Variants in PPP1R9A observed in about 807,000 individuals in gnomAD.
PPP1R9A encodes protein phosphatase 1 regulatory subunit 9A, also known as neurabin-1.
A neutral mutation model predicts 141.9 loss-of-function variants in PPP1R9A; 59 were observed. The observed-to-expected ratio is 0.42, with a 90% confidence interval of 0.34 to 0.52. The LOEUF is 0.52. PPP1R9A is among the 20% of genes least tolerant of loss of function. The pLI is 0.10. For missense variants in PPP1R9A, 1,444 were observed against 1,611.9 expected, an observed-to-expected ratio of 0.90 and a Z score of 1.78; for synonymous variants, 500 against 569.7, an observed-to-expected ratio of 0.88 and a Z score of 1.74.
chr7:95,163,372 T>C (rs74730084), intron 5 of PPP1R9A, among the ~76,000 whole-genome samples: 1 of 152,208 alleles, frequency 6.6e-6, no homozygotes, highest in Non-Finnish European at 1.5e-5. Context: ...ATTACTCTCA[T>C]GGAAGGACAT....
At chr7:94,991,659 T>C (rs935648411) in intron 2 of PPP1R9A, among the ~76,000 whole-genome samples, 1 of 152,158 alleles carries the variant, frequency 6.6e-6, no homozygotes, top group Non-Finnish European at 1.5e-5. Context: ...TTTTTAGTTT[T>C]TAAATTTTTG....
chr7:95,121,980 A>G (rs1254703946), intron 4 of PPP1R9A, among the ~76,000 whole-genome samples: 1 of 152,158 alleles, frequency 6.6e-6, no homozygotes, highest in Non-Finnish European at 1.5e-5. Flanking sequence ...AGTAGACCCA[A>G]ATATACGACT....
chr7:95,048,072 C>T (rs1053761721), intron 2 of PPP1R9A, among the ~76,000 whole-genome samples: 14 of 152,114 alleles, frequency 9.2e-5, no homozygotes, highest in African/African-American at 3.4e-4. Flanking sequence ...TTTTTAATTA[C>T]TCATCTAATT....
chr7:95,177,789 A>G (rs192487573), intron 5 of PPP1R9A, among the ~76,000 whole-genome samples: 1 of 152,314 alleles, frequency 6.6e-6, no homozygotes, highest in East Asian at 1.9e-4. Context: ...GGGACATTAT[A>G]TAATGGTAAA....
intron 12 of PPP1R9A, among the ~76,000 whole-genome samples, chr7:95,265,040 A>C (rs976152289): frequency 1.4e-4 from 22 of 152,308 alleles, no homozygotes; most frequent in African/African-American, 5.1e-4. Flanking sequence ...TTCCCCTGCC[A>C]CACTGCCATC....
Position 95,210,713 on chromosome 7 carries a change from C to T in PPP1R9A, c.1956+6983C>T, listed in dbSNP as rs919631800. ...ACATGCACACGTATGTTTATTGCAGCACTATTCACAATAGCAAAGACTTGG... is the reference window on the plus strand; with the variant it reads ...ACATGCACACGTATGTTTATTGCAGTACTATTCACAATAGCAAAGACTTGG... On this transcript the variant is annotated intron_variant, in intron 7 of 19. Transcript: ENST00000433360. 2.6e-5 allele frequency among the ~76,000 whole-genome samples: 4 copies of T among 152,158 alleles called. No individual in the cohort carries two copies. The East Asian group carries it at 7.7e-4, about 29-fold the overall frequency.
At chr7:95,288,774 C>G in intron 19 of PPP1R9A, 56 bp downstream of exon 19, 1 of 1,568,606 alleles carries the variant, frequency 6.4e-7, no homozygotes, top group Non-Finnish European at 8.7e-7. Context: ...TTACTCATAT[C>G]ACCTAAAATG....
At chr7:95,191,670 AT>A (rs1487637834) in intron 5 of PPP1R9A, among the ~76,000 whole-genome samples, 1 of 152,124 alleles carries the variant, frequency 6.6e-6, no homozygotes, top group East Asian at 1.9e-4. Flanking sequence ...GTATTGTATT[AT>A]TTGGCGATGA....
intron 2 of PPP1R9A, among the ~76,000 whole-genome samples, chr7:95,068,473 G>GAAAAAAA (rs36043693): frequency 1.1e-5 from 1 of 94,218 alleles, no homozygotes; most frequent in Admixed American, 1.5e-4. Flanking sequence ...CTTGTCTCAA[G>GAAAAAAA]AAAAAAAAAA....
chr7:94,974,161 A>G (rs1294051960), intron 2 of PPP1R9A, among the ~76,000 whole-genome samples: 1 of 152,144 alleles, frequency 6.6e-6, no homozygotes, highest in Non-Finnish European at 1.5e-5. Flanking sequence ...GATGAATCTG[A>G]GATAGAGGTT....
At chr7:95,260,199 G>T (rs1475816377) in intron 12 of PPP1R9A, among the ~76,000 whole-genome samples, 1 of 152,130 alleles carries the variant, frequency 6.6e-6, no homozygotes, top group Non-Finnish European at 1.5e-5. Context: ...GTCTAGTTTT[G>T]TGCAAGTTTT....
At chr7:95,022,377 G>A (rs1353966859) in intron 2 of PPP1R9A, among the ~76,000 whole-genome samples, 1 of 152,212 alleles carries the variant, frequency 6.6e-6, no homozygotes, top group Non-Finnish European at 1.5e-5. Flanking sequence ...TTGGGGCTGA[G>A]ATGATGGAGT....
intron 2 of PPP1R9A, among the ~76,000 whole-genome samples, chr7:94,957,737 G>C (rs1376525090): frequency 1.3e-5 from 2 of 152,046 alleles, no homozygotes; most frequent in Non-Finnish European, 2.9e-5. Flanking sequence ...AAAAATTGGT[G>C]CCTGAGATAT....
intron 4 of PPP1R9A, among the ~76,000 whole-genome samples, chr7:95,160,717 G>A (rs572806801): frequency 6.6e-5 from 10 of 151,858 alleles, no homozygotes; most frequent in African/African-American, 1.2e-4. Context: ...TATTGTTGCC[G>A]CCTTTATGTC....
intron 2 of PPP1R9A, among the ~76,000 whole-genome samples, chr7:95,019,878 T>C (rs1206883199): frequency 6.6e-6 from 1 of 152,146 alleles, no homozygotes; most frequent in East Asian, 1.9e-4. Flanking sequence ...AATGAAAACA[T>C]GTGCCCATAC....
chr7:95,067,596 T>A lies in PPP1R9A; in HGVS notation c.1396-43663T>A, dbSNP rs542091748. 9.9e-4 allele frequency among the ~76,000 whole-genome samples: 151 copies of A among 151,766 alleles called. No individual in the cohort carries two copies. In the Middle Eastern group the frequency reaches 0.01, roughly 10 times the overall value. On this transcript the variant is annotated intron_variant, in intron 2 of 19. Transcript: ENST00000433360. Reference sequence around the variant, plus strand: ...TGAAGTAGCTCAGGTATAAACAACTTTTATGATAATAATAACACAGTCATC... The same window carrying A: ...TGAAGTAGCTCAGGTATAAACAACTATTATGATAATAATAACACAGTCATC...
intron 2 of PPP1R9A, among the ~76,000 whole-genome samples, chr7:95,058,338 AAAAAC>A (rs1811768872): frequency 6.6e-6 from 1 of 152,200 alleles, no homozygotes; most frequent in African/African-American, 2.4e-5. Context: ...TTTTCCTGGA[AAAAAC>A]AAAACAAAAC....
chr7:95,148,807 C>G (rs1446175593), intron 4 of PPP1R9A, among the ~76,000 whole-genome samples: 1 of 152,026 alleles, frequency 6.6e-6, no homozygotes, highest in Admixed American at 6.6e-5. Context: ...CCTCTCCTAT[C>G]TCTTCCAGAA....
intron 4 of PPP1R9A, among the ~76,000 whole-genome samples, chr7:95,136,624 T>C (rs1160753682): frequency 6.6e-6 from 1 of 152,146 alleles, no homozygotes; most frequent in African/African-American, 2.4e-5. Context: ...ATATACATAA[T>C]GATGGAGAAC....
Sources: allele counts gnomAD v4.1 joint callset (sites outside exome capture counted in the v4.1 genomes callset), GRCh38; gene constraint gnomAD v4.1.1; transcripts MANE v1.5; gene names NCBI Gene and HGNC (gene_info 2026-07-23, HGNC 2026-07-21).